ERBB4: variants seen among roughly 807,000 people sequenced by gnomAD.
ERBB4 encodes the protein erb-b2 receptor tyrosine kinase 4.
In ERBB4, 42 loss-of-function variants were observed where a neutral mutation model predicts 158.0. That is an observed-to-expected ratio of 0.27 (90% CI 0.21 to 0.34). The LOEUF is 0.34. Ranked by LOEUF, ERBB4 falls within the 10% of genes least tolerant of loss-of-function variation. The pLI is 1.00. For synonymous variants in ERBB4, 583 were observed against 558.7 expected, an observed-to-expected ratio of 1.04 and a Z score of -0.61; for missense variants, 1,333 against 1,624.1, an observed-to-expected ratio of 0.82 and a Z score of 3.08.
At chr2:212,097,538 T>G (rs1304733624) in intron 2 of ERBB4, among the ~76,000 whole-genome samples, 1 of 152,002 alleles carries the variant, frequency 6.6e-6, no homozygotes, top group East Asian at 1.9e-4. Context: ...ATTTAAGAGA[T>G]AGATTTGGGC....
intron 1 of ERBB4, among the ~76,000 whole-genome samples, chr2:212,505,352 C>A (rs1323863594): frequency 6.6e-6 from 1 of 152,186 alleles, no homozygotes; most frequent in Non-Finnish European, 1.5e-5. Context: ...CCCCATCGGC[C>A]TCCCAAAGTG....
intron 14 of ERBB4, among the ~76,000 whole-genome samples, chr2:211,668,155 T>C (rs903673185): frequency 3.3e-5 from 5 of 152,192 alleles, no homozygotes; most frequent in African/African-American, 4.8e-5. Flanking sequence ...CATATCTAAA[T>C]GTAGAAAGGG....
intron 1 of ERBB4, among the ~76,000 whole-genome samples, chr2:212,419,261 C>T (rs531267898): frequency 2.0e-5 from 3 of 151,890 alleles, no homozygotes; most frequent in Non-Finnish European, 4.4e-5. Context: ...ACGAATGACA[C>T]TACATGCTGT....
chr2:212,164,246 A>G (rs1200905634), intron 1 of ERBB4, among the ~76,000 whole-genome samples: 1 of 152,096 alleles, frequency 6.6e-6, no homozygotes, highest in Non-Finnish European at 1.5e-5. Context: ...GATATGTGCT[A>G]TTAAGTATAA....
intron 1 of ERBB4, among the ~76,000 whole-genome samples, chr2:212,273,192 G>A (rs369583584): frequency 1.3e-5 from 2 of 151,812 alleles, no homozygotes; most frequent in South Asian, 2.1e-4. Flanking sequence ...AAAGTAACAT[G>A]AGAACATTTT....
intron 19 of ERBB4, among the ~76,000 whole-genome samples, chr2:211,608,918 A>G (rs1284468607): frequency 1.3e-5 from 2 of 152,164 alleles, no homozygotes; most frequent in Admixed American, 6.6e-5. Flanking sequence ...CTGCCCCTCA[A>G]TGTGGAATCA....
chr2:212,027,183 A>T (rs963742323), intron 2 of ERBB4, among the ~76,000 whole-genome samples: 1 of 152,006 alleles, frequency 6.6e-6, no homozygotes, highest in Non-Finnish European at 1.5e-5. Context: ...AACCAAGCTG[A>T]GGTTAATTAT....
At chr2:212,072,545 A>C (rs2078153609) in intron 2 of ERBB4, among the ~76,000 whole-genome samples, 1 of 152,016 alleles carries the variant, frequency 6.6e-6, no homozygotes, top group South Asian at 2.1e-4. Context: ...CCCTGGAGAA[A>C]GATGTATACT....
At chr2:211,898,707 T>TA (rs1355292169) in intron 3 of ERBB4, among the ~76,000 whole-genome samples, 3 of 152,152 alleles carry the variant, frequency 2.0e-5, no homozygotes, top group African/African-American at 4.8e-5. Context: ...ATCATTAAAT[T>TA]AAAAAATGAT....
rs2086630832 is a variant in ERBB4 at position 212,301,715 on chromosome 2, T to TG, written c.83-176813dup. ...TTACCGTTTGCACATACAATATTAA[T>TG]GGTCCCCCCATGCAAGTTCCCTCAG... On this transcript the variant is annotated intron_variant, in intron 1 of 27. Coordinates refer to ENST00000342788, the MANE Select transcript of ERBB4 (RefSeq NM_005235.3). Among the ~76,000 whole-genome samples, 3 of 151,176 alleles carry TG rather than the reference T, an allele frequency of 2.0e-5. No individual in the cohort carries two copies. In the South Asian group the frequency reaches 6.2e-4, roughly 31 times the overall value.
chr2:211,387,937 A>C lies in ERBB4; in HGVS notation c.3183+8T>G. 1 of 1,601,306 alleles carries C rather than the reference A, an allele frequency of 6.2e-7. No individual in the cohort carries two copies. Among genetic ancestry groups the C allele is most frequent in the Non-Finnish European group, 8.6e-7 (1 of 1,168,318 alleles). ...CTAAAAGATGAAGGTTGATTGTGAA[A>C]TACTTACTCCTGACATGGGGGTGTA... On this transcript the variant is annotated splice_region_variant and intron_variant, in intron 26 of 27. Coordinates refer to ENST00000342788, the MANE Select transcript of ERBB4 (RefSeq NM_005235.3).
chr2:212,294,631 T>C (rs1374233242), intron 1 of ERBB4, among the ~76,000 whole-genome samples: 2 of 152,026 alleles, frequency 1.3e-5, no homozygotes, highest in Non-Finnish European at 2.9e-5. Flanking sequence ...ATCAAAACTA[T>C]ACTTACAATA....
chr2:212,173,879 C>T (rs187930319), intron 1 of ERBB4, among the ~76,000 whole-genome samples: 3 of 152,080 alleles, frequency 2.0e-5, no homozygotes, highest in African/African-American at 7.2e-5. Context: ...TGAGCCAGTA[C>T]AGTGAAGGTT....
chr2:211,533,080 G>A (rs1013555200), intron 20 of ERBB4, among the ~76,000 whole-genome samples: 2 of 151,706 alleles, frequency 1.3e-5, no homozygotes, highest in South Asian at 4.1e-4. Context: ...ATATCATGTA[G>A]ATATTTCTAT....
intron 20 of ERBB4, among the ~76,000 whole-genome samples, chr2:211,518,851 C>T (rs1046793908): frequency 1.3e-5 from 2 of 151,968 alleles, no homozygotes; most frequent in African/African-American, 2.4e-5. Context: ...TTTGAAAATA[C>T]AGGTAGAGTG....
At chr2:212,315,938 T>C (rs1433345775) in intron 1 of ERBB4, among the ~76,000 whole-genome samples, 2 of 151,520 alleles carry the variant, frequency 1.3e-5, no homozygotes, top group Non-Finnish European at 3.0e-5. Context: ...TCAGCTGCAT[T>C]ATTAAATTCA....
chr2:211,594,682 G>A (rs2068580443), intron 19 of ERBB4, among the ~76,000 whole-genome samples: 1 of 152,158 alleles, frequency 6.6e-6, no homozygotes. Flanking sequence ...AGGAACTAGA[G>A]TAGTAACCAA....
chr2:212,243,259 C>T (rs2106022088), intron 1 of ERBB4, among the ~76,000 whole-genome samples: 1 of 152,120 alleles, frequency 6.6e-6, no homozygotes, highest in South Asian at 2.1e-4. Flanking sequence ...AGACTGTGGC[C>T]ACTTAGGAGG....
chr2:211,551,454 T>C (rs1342248548), intron 20 of ERBB4, among the ~76,000 whole-genome samples: 1 of 152,188 alleles, frequency 6.6e-6, no homozygotes, highest in Non-Finnish European at 1.5e-5. Context: ...ATTTTAATAT[T>C]TATCTTTTAT....
Sources: gnomAD v4.1 joint callset for allele counts (sites outside exome capture counted in the v4.1 genomes callset) on GRCh38, gnomAD v4.1.1 for gene constraint, MANE v1.5 for transcripts, NCBI Gene and HGNC (gene_info 2026-07-23, HGNC 2026-07-21) for gene names.